Variants in CAST observed in about 807,000 individuals in gnomAD.
CAST encodes the protein calpastatin, also known as MIR583 host.
A neutral mutation model predicts 119.6 loss-of-function variants in CAST; 76 were observed. The observed-to-expected ratio is 0.64, with a 90% CI of 0.53 to 0.77. The LOEUF is 0.77. Among genes scored for constraint, CAST ranks in the 30% least tolerant of loss-of-function variants. The probability of loss-of-function intolerance (pLI) is 0.00; values close to 1 mark genes in which losing one functional copy is unlikely to be tolerated. For missense variants in CAST, 953 were observed against 946.5 expected, an observed-to-expected ratio of 1.01 and a Z score of -0.09; for synonymous variants, 319 against 331.6, an observed-to-expected ratio of 0.96 and a Z score of 0.41.
the CAST span, among the ~76,000 whole-genome samples, chr5:96,119,989 T>A: frequency 6.6e-6 from 1 of 152,206 alleles, no homozygotes; most frequent in East Asian, 1.9e-4. Flanking sequence ...CTGAAAAGTA[T>A]GTGTCAATTT....
the CAST span, among the ~76,000 whole-genome samples, chr5:96,093,432 A>G: frequency 6.6e-6 from 1 of 152,360 alleles, no homozygotes; most frequent in Non-Finnish European, 1.5e-5. Flanking sequence ...AGCAGCTGTT[A>G]AGTAGTGAAG....
chr5:96,694,860 C>T (rs1753099742), intron 2 of CAST, among the ~76,000 whole-genome samples: 1 of 152,190 alleles, frequency 6.6e-6, no homozygotes, highest in Non-Finnish European at 1.5e-5. Context: ...TTACTCTTCA[C>T]ACCATCAGAA....
the CAST span, among the ~76,000 whole-genome samples, chr5:96,240,048 C>G: frequency 6.6e-6 from 1 of 152,124 alleles, no homozygotes; most frequent in Non-Finnish European, 1.5e-5. Context: ...TATTTACCTC[C>G]TATTTCCTAT....
chr5:96,409,948 A>G, the CAST span, among the ~76,000 whole-genome samples: 20 of 152,198 alleles, frequency 1.3e-4, no homozygotes, highest in South Asian at 1.7e-3. Flanking sequence ...TCTTGCACGC[A>G]TTCCAAGGTC....
At chr5:96,606,698 TTTTG>T (rs1486348201) in intron 1 of CAST, among the ~76,000 whole-genome samples, 3 of 152,134 alleles carry the variant, frequency 2.0e-5, no homozygotes, top group African/African-American at 7.2e-5. Context: ...CCAATCACCT[TTTTG>T]TTTGTTTGTT....
At chr5:96,588,769 T>G (rs1048304361) in intron 1 of CAST, among the ~76,000 whole-genome samples, 6 of 152,174 alleles carry the variant, frequency 3.9e-5, no homozygotes, top group Non-Finnish European at 5.9e-5. Context: ...TCATCCATAG[T>G]CATTCACTTT....
the CAST span, among the ~76,000 whole-genome samples, chr5:96,468,729 T>G: frequency 6.6e-6 from 1 of 152,042 alleles, no homozygotes; most frequent in Non-Finnish European, 1.5e-5. Context: ...GGAGTGAGAA[T>G]GTAAGAGGAG....
intron 1 of CAST, among the ~76,000 whole-genome samples, chr5:96,547,364 G>A (rs1009607204): frequency 1.3e-5 from 2 of 152,184 alleles, no homozygotes; most frequent in Non-Finnish European, 2.9e-5. Flanking sequence ...CCAGAAGGAA[G>A]GAGGGTGCCA....
intron 1 of CAST, among the ~76,000 whole-genome samples, chr5:96,618,177 G>A (rs1747511255): frequency 2.0e-5 from 3 of 152,230 alleles, no homozygotes; most frequent in Non-Finnish European, 4.4e-5. Context: ...TCAGGCAGAA[G>A]GTAAATGTTG....
At chr5:96,150,955 A>G in the CAST span, among the ~76,000 whole-genome samples, 2 of 152,200 alleles carry the variant, frequency 1.3e-5, no homozygotes, top group Admixed American at 1.3e-4. Context: ...CCAAACCTGA[A>G]GAGCCACAAT....
the CAST span, among the ~76,000 whole-genome samples, chr5:96,425,402 T>C: frequency 2.6e-5 from 4 of 152,350 alleles, no homozygotes; most frequent in South Asian, 6.2e-4. Context: ...ATCTGTGTCA[T>C]ATAAGAATTG....
chr5:96,401,135 G>C, the CAST span, among the ~76,000 whole-genome samples: 1 of 112,364 alleles, frequency 8.9e-6, no homozygotes, highest in Non-Finnish European at 1.9e-5. Flanking sequence ...CCAGTAAAAA[G>C]AATTAAGGCT....
chr5:96,615,181 G>A (rs1001922108), intron 1 of CAST, among the ~76,000 whole-genome samples: 2 of 152,170 alleles, frequency 1.3e-5, no homozygotes, highest in Admixed American at 6.5e-5. Context: ...CCCAACCACA[G>A]GCTATTGTAA....
At chr5:96,681,753 AT>A (rs1203383555) in intron 2 of CAST, among the ~76,000 whole-genome samples, 35 of 145,642 alleles carry the variant, frequency 2.4e-4, no homozygotes, top group Admixed American at 6.3e-4. Flanking sequence ...AAAAAAAAAA[AT>A]ACTACCAGGA....
At chr5:96,360,032 C>T in the CAST span, among the ~76,000 whole-genome samples, 1 of 151,970 alleles carries the variant, frequency 6.6e-6, no homozygotes, top group African/African-American at 2.4e-5. Context: ...TTGTTCATTC[C>T]TTTTCATTCT....
chr5:96,593,787 T>C (rs575406868), intron 1 of CAST, among the ~76,000 whole-genome samples: 7 of 152,248 alleles, frequency 4.6e-5, no homozygotes, highest in African/African-American at 1.7e-4. Flanking sequence ...TCCAGGAAGA[T>C]AGCCATTTGC....
At chr5:96,231,074 G>A in the CAST span, among the ~76,000 whole-genome samples, 6 of 152,154 alleles carry the variant, frequency 3.9e-5, no homozygotes, top group Admixed American at 2.0e-4. Flanking sequence ...CAGTTTGGCA[G>A]TTTCTCAAAA....
At chr5:96,507,990 C>T in the CAST span, among the ~76,000 whole-genome samples, 1 of 142,266 alleles carries the variant, frequency 7.0e-6, no homozygotes, top group South Asian at 2.3e-4. Context: ...ATATCCCTGA[C>T]ATTATTATTA....
intron 1 of CAST, among the ~76,000 whole-genome samples, chr5:96,566,154 CAG>C (rs536962512): frequency 2.6e-5 from 4 of 152,154 alleles, no homozygotes; most frequent in African/African-American, 9.7e-5. Flanking sequence ...GTGGGAATGA[CAG>C]AGAGAAAAGG....
Sources: gnomAD v4.1 joint callset for allele counts (sites outside exome capture counted in the v4.1 genomes callset) on GRCh38, gnomAD v4.1.1 for gene constraint, MANE v1.5 for transcripts, NCBI Gene and HGNC (gene_info 2026-07-23, HGNC 2026-07-21) for gene names.